The following GDA variants were observed in gnomAD, a reference collection of about 807,000 sequenced individuals.
The protein encoded by GDA is cytoplasmic PSD-95 interactor.
A neutral mutation model predicts 59.6 loss-of-function variants in GDA; 18 were observed. The observed-to-expected ratio is 0.30, with a 90% CI of 0.21 to 0.45. The LOEUF is 0.45. GDA is among the 20% of genes least tolerant of loss of function. GDA has a pLI of 1.00. For synonymous variants in GDA, 201 were observed against 201.1 expected (o/e 1.00, Z 0.00); for missense variants, 427 against 552.3 (o/e 0.77, Z 2.27).
intron 1 of GDA, among the ~76,000 whole-genome samples, chr9:72,180,817 AC>A (rs1243504161): frequency 1.3e-5 from 2 of 152,246 alleles, no homozygotes; most frequent in Admixed American, 1.3e-4. Context: ...AAAGTGATTC[AC>A]AAGTTTTCAA....
chr9:72,244,664 T>G (rs914779935), intron 11 of GDA, among the ~76,000 whole-genome samples: 1 of 152,248 alleles, frequency 6.6e-6, no homozygotes, highest in Non-Finnish European at 1.5e-5. Context: ...AGGATAATTA[T>G]TTTTTATTTA....
chr9:72,212,750 G>A (rs918358844), intron 4 of GDA, among the ~76,000 whole-genome samples: 1 of 152,032 alleles, frequency 6.6e-6, no homozygotes, highest in Admixed American at 6.6e-5. Context: ...TAGAGAGAGG[G>A]AGAGAGAGAG....
chr9:72,258,416 G>T (rs1042593551), downstream of GDA, among the ~76,000 whole-genome samples: 3 of 152,340 alleles, frequency 2.0e-5, no homozygotes, highest in African/African-American at 7.2e-5. Flanking sequence ...TTCTGAAGAT[G>T]ACTTCGTGGA....
At chr9:72,145,029 A>G (rs1186948279), upstream of GDA, among the ~76,000 whole-genome samples, 1 of 152,120 alleles carries the variant, frequency 6.6e-6, no homozygotes, top group Non-Finnish European at 1.5e-5. Context: ...TACAATGACA[A>G]CTTCTCTCCT....
chr9:72,223,184 G>A lies in GDA; in HGVS notation c.671G>A (p.Gly224Asp). 2 of 1,613,214 alleles carry A rather than the reference G, an allele frequency of 1.2e-6. No individual in the cohort carries two copies. Among genetic ancestry groups the A allele is most frequent in the Middle Eastern group, 3.3e-4 (2 of 6,060 alleles). The change falls in exon 7 of 14, where the codon GGT becomes GAT. Residue 224 changes from glycine (G) to aspartate (D), a missense_variant. Physicochemically the swap from Gly to Asp is moderately conservative, Grantham distance 94 (BLOSUM62 -1). Coordinates refer to ENST00000358399, the MANE Select transcript of GDA (RefSeq NM_004293.5). Reference sequence around the variant, plus strand: ...CTCTCCTGCTCTGAGACTTTGATGGGTGAACTGGGCAACATTGCTAAAACC... The same window carrying A: ...CTCTCCTGCTCTGAGACTTTGATGGATGAACTGGGCAACATTGCTAAAACC... ...FSLSCSETLM[G>D]ELGNIAKTRD...
At chr9:72,216,888 G>A (rs1230213337) in intron 5 of GDA, among the ~76,000 whole-genome samples, 1 of 152,056 alleles carries the variant, frequency 6.6e-6, no homozygotes, top group African/African-American at 2.4e-5. Flanking sequence ...TGTTAGCCAG[G>A]ATGCTCTCGA....
intron 1 of GDA, among the ~76,000 whole-genome samples, chr9:72,184,537 A>G (rs1285510473): frequency 2.0e-5 from 3 of 152,158 alleles, no homozygotes; most frequent in South Asian, 2.1e-4. Flanking sequence ...TTAATAGCTC[A>G]TTTATTTTTA....
intron 1 of GDA, among the ~76,000 whole-genome samples, chr9:72,138,618 C>T (rs1826331038): frequency 6.6e-6 from 1 of 152,210 alleles, no homozygotes; most frequent in African/African-American, 2.4e-5. Flanking sequence ...CACAGAGCCC[C>T]ATGATGGGTC....
chr9:72,180,365 T>A (rs970893366), intron 1 of GDA, among the ~76,000 whole-genome samples: 2 of 151,896 alleles, frequency 1.3e-5, no homozygotes, highest in South Asian at 2.1e-4. Context: ...TCAAAAAAAA[T>A]AAAAATAACA....
intron 5 of GDA, among the ~76,000 whole-genome samples, chr9:72,216,996 T>C (rs905700604): frequency 3.3e-5 from 5 of 152,050 alleles, no homozygotes; most frequent in African/African-American, 1.2e-4. Flanking sequence ...ATTAACTAAA[T>C]GGGCCCAAGG....
At position 72,249,159 on chromosome 9, in the gene GDA, C is replaced by T; in HGVS notation, c.*817C>T. The T allele has an allele frequency of 1.0e-6, 1 of 982,522 alleles. No homozygotes were observed. The highest frequency in any genetic ancestry group is 1.2e-6 in the Non-Finnish European group (1 of 827,234). The allele number at this position is 982,522 out of a possible 1,614,324, so 60.9% of individuals were successfully genotyped here. On this transcript the variant is annotated 3_prime_UTR_variant, in exon 14 of 14. Coordinates refer to ENST00000358399, the MANE Select transcript of GDA (RefSeq NM_004293.5). ...TTATAACTGTGAGATGTTATTGCTT[C>T]CATTTTATTAGAAGAGAAACAAATT...
Position 72,149,797 on chromosome 9 carries a change from T to A in GDA, c.123+115T>A, listed in dbSNP as rs955869846. 8.2e-6 allele frequency: 9 copies of A among 1,099,540 alleles called. No homozygotes were observed. The African/African-American group carries it at 1.2e-4, about 14-fold the overall frequency. 68.1% of individuals were successfully genotyped at this position (1,099,540 alleles called of 1,614,324 possible). A position where few individuals can be genotyped will look rare whatever the true frequency, so the allele number is the denominator to read the frequency against. On this transcript the variant is annotated intron_variant, in intron 1 of 13. Coordinates refer to ENST00000358399, the MANE Select transcript of GDA (RefSeq NM_004293.5). ...CTCGGTGCGCAGTGAGCGCCGCGGC[T>A]CCGGAGTTGAACTTGAGTCTTTGGC...
In GDA at chr9:72,227,011, G is replaced by A. The variant is rs531191613; in HGVS notation, c.823-932G>A. 1.1e-4 allele frequency among the ~76,000 whole-genome samples: 17 copies of A among 152,174 alleles called. No individual in the cohort carries two copies. The South Asian group carries it at 3.3e-3, about 30-fold the overall frequency. On this transcript the variant is annotated intron_variant, in intron 8 of 13. Transcript: ENST00000358399. ...CAGGCGCCTGTAGTCCCAGCTACTC[G>A]GGAAGCTGAGATAGGAGAATGGCGT...
chr9:72,234,104 A>C (rs75302654), intron 10 of GDA, among the ~76,000 whole-genome samples: 5,612 of 152,280 alleles, frequency 0.037, 186 homozygotes, highest in Middle Eastern at 0.058. Context: ...TAAAAAACAC[A>C]CTACAGATAT....
intron 1 of GDA, among the ~76,000 whole-genome samples, chr9:72,154,938 T>C (rs913066961): frequency 2.0e-5 from 3 of 152,164 alleles, no homozygotes; most frequent in Non-Finnish European, 4.4e-5. Context: ...AGTATGCAAA[T>C]ACTGCCCTGC....
At chr9:72,128,259 T>A (rs1382221887) in intron 1 of GDA, among the ~76,000 whole-genome samples, 7 of 152,196 alleles carry the variant, frequency 4.6e-5, no homozygotes, top group Non-Finnish European at 1.0e-4. Context: ...GTGGCAAGTG[T>A]GTTTATTCGT....
intron 1 of GDA, among the ~76,000 whole-genome samples, chr9:72,142,107 G>A (rs1826461664): frequency 6.6e-6 from 1 of 152,098 alleles, no homozygotes; most frequent in Admixed American, 6.6e-5. Flanking sequence ...ACCTGCATTT[G>A]ATTTGAATTA....
chr9:72,150,449 AG>A (rs1311494478), intron 1 of GDA, among the ~76,000 whole-genome samples: 3 of 152,210 alleles, frequency 2.0e-5, no homozygotes, highest in African/African-American at 7.2e-5. Flanking sequence ...TTCCAAAATC[AG>A]GATTTCTACA....
chr9:72,126,396 A>G (rs1174696207), intron 1 of GDA, among the ~76,000 whole-genome samples: 2 of 152,242 alleles, frequency 1.3e-5, no homozygotes, highest in East Asian at 1.9e-4. Context: ...AAGGTTAACA[A>G]CTCACAGACT....
Sources: gnomAD v4.1 joint callset for allele counts (sites outside exome capture counted in the v4.1 genomes callset) on GRCh38, gnomAD v4.1.1 for gene constraint, MANE v1.5 for transcripts, NCBI Gene and HGNC (gene_info 2026-07-23, HGNC 2026-07-21) for gene names.